NRN1: variants seen among roughly 807,000 people sequenced by gnomAD.
The protein encoded by NRN1 is neuritin 1.
In NRN1, 4 loss-of-function variants were observed where a neutral mutation model predicts 15.0. The observed-to-expected ratio is 0.27, with a 90% CI of 0.13 to 0.61. NRN1 has a LOEUF of 0.61. Ranked by LOEUF, NRN1 falls within the 20% of genes least tolerant of loss-of-function variation. The pLI, the probability that NRN1 is intolerant of heterozygous loss-of-function variation, is 0.87. For synonymous variants in NRN1, 85 were observed against 79.8 expected, an observed-to-expected ratio of 1.07 and a Z score of -0.35; for missense variants, 134 against 181.9, an observed-to-expected ratio of 0.74 and a Z score of 1.51.
At chr6:5,999,982 C>T (rs674375) in intron 2 of NRN1, among the ~76,000 whole-genome samples, 66,904 of 151,986 alleles carry the variant, frequency 0.44, 15,816 homozygotes, top group East Asian at 0.75. Flanking sequence ...TGGGGCCGGC[C>T]TCGTAGCCTT....
intron 2 of NRN1, among the ~76,000 whole-genome samples, 157 bp from the exon 3 acceptor site, chr6:5,999,361 G>A (rs750242928): frequency 3.9e-5 from 6 of 152,350 alleles, no homozygotes; most frequent in Admixed American, 1.3e-4. Context: ...CCTGGCCTGC[G>A]CGAGGTCGGG....
intron 2 of NRN1, 124 bp from the exon 3 acceptor site, chr6:5,999,328 A>G (rs1757866556): frequency 4.0e-6 from 3 of 758,280 alleles, no homozygotes; most frequent in East Asian, 2.7e-5. Flanking sequence ...TCCCCTCCCT[A>G]CCTTCTCTTC....
At position 5,999,173 on chromosome 6, in the gene NRN1, T is replaced by C; in HGVS notation, c.232A>G (p.Thr78Ala). ...YWEDFHSCTV[T>A]ALTDCQEGAK... is the part of the protein sequence containing the mutation. ...CCTTCCTGGCAATCCGTAAGGGCTG[T>C]GACCGTGCAGCTGTGGAAATCCTCC... Residue 78 changes from threonine to alanine, a missense_variant, in exon 3 of 3, where the codon ACA becomes GCA. Physicochemically the swap from Thr to Ala is moderately conservative, Grantham distance 58. Coordinates refer to ENST00000244766, the MANE Select transcript of NRN1 (RefSeq NM_016588.3). The C allele has an allele frequency of 6.2e-7, 1 of 1,614,060 alleles. No homozygotes were observed. The highest frequency in any genetic ancestry group is 8.5e-7 in the Non-Finnish European group (1 of 1,179,978).
rs1582988885 is a variant in NRN1 at position 5,998,355 on chromosome 6, C to G, written c.*621G>C. On this transcript the variant is annotated 3_prime_UTR_variant, in exon 3 of 3. Transcript: ENST00000244766. ...CTTCTGGAAGCCTTTACTCTTACCC[C>G]AGAGATTTCCTCAGCCCCTTCCCTC... 6.6e-6 allele frequency: 1 copy of G among 152,444 alleles called. No homozygotes were observed. The highest frequency in any genetic ancestry group is 2.1e-4 in the South Asian group (1 of 4,832). The allele number at this position is 152,444 out of a possible 1,614,324, so 9.4% of individuals were successfully genotyped here.
At chr6:6,003,795 CG>C in intron 1 of NRN1, 2 of 1,234,028 alleles carry the variant, frequency 1.6e-6, no homozygotes, top group Non-Finnish European at 2.0e-6. Flanking sequence ...CAAAGCAGCC[CG>C]GGCGCCGGGA....
In NRN1 at chr6:6,000,654, C is replaced by T. The variant is rs1347089552; in HGVS notation, c.201-1450G>A. Reference sequence around the variant, plus strand: ...ACAGCAACATTTGGACATTAGGAGGCCCAGGGAGGACAGCTTTCCTGCAGA... The same window carrying T: ...ACAGCAACATTTGGACATTAGGAGGTCCAGGGAGGACAGCTTTCCTGCAGA... On this transcript the variant is annotated intron_variant, in intron 2 of 2. Transcript: ENST00000244766. Among the ~76,000 whole-genome samples the T allele has an allele frequency of 4.6e-5, 7 of 151,526 alleles. No individual in the cohort carries two copies. The East Asian group carries it at 1.4e-3, about 29-fold the overall frequency.
At chr6:6,003,373 C>T (rs1247151297) in intron 1 of NRN1, 1 of 626,954 alleles carries the variant, frequency 1.6e-6, no homozygotes, top group Non-Finnish European at 2.3e-6. Context: ...CTCTTTCTCT[C>T]CTCCTCCCCT....
At chr6:6,000,085 T>C (rs1757899407) in intron 2 of NRN1, among the ~76,000 whole-genome samples, 1 of 152,212 alleles carries the variant, frequency 6.6e-6, no homozygotes, top group Non-Finnish European at 1.5e-5. Context: ...TTGGGCCCCA[T>C]GGGGCTTCCT....
intron 1 of NRN1, chr6:6,003,263 T>A: frequency 6.5e-6 from 8 of 1,234,438 alleles, no homozygotes; most frequent in Non-Finnish European, 8.1e-6. Context: ...CTGGCGCGGA[T>A]GATGAGTGGT....
chr6:6,000,754 C>CTTT (rs1561902807), intron 2 of NRN1, among the ~76,000 whole-genome samples: 4 of 83,742 alleles, frequency 4.8e-5, no homozygotes, highest in Admixed American at 1.2e-4. Flanking sequence ...TTTTTATGTA[C>CTTT]GCCCAGATGA....
chr6:6,005,874 G>A (rs1030211466), intron 1 of NRN1, among the ~76,000 whole-genome samples: 1 of 152,114 alleles, frequency 6.6e-6, no homozygotes, highest in African/African-American at 2.4e-5. Flanking sequence ...CCCTGACAGC[G>A]TAACTACAAC....
Position 5,998,504 on chromosome 6 carries a change from C to G in NRN1, c.*472G>C, listed in dbSNP as rs1444272574. ...AAGAACGACGTGAGCGTGAATTATTCACCGTATGTTTCGTCCGTGGACATC... is the reference window on the plus strand; with the variant it reads ...AAGAACGACGTGAGCGTGAATTATTGACCGTATGTTTCGTCCGTGGACATC... On this transcript the variant is annotated 3_prime_UTR_variant, in exon 3 of 3. Transcript: ENST00000244766. The G allele has an allele frequency of 6.5e-6, 1 of 153,624 alleles. No individual in the cohort carries two copies. Among genetic ancestry groups the G allele is most frequent in the Non-Finnish European group, 1.4e-5 (1 of 68,994 alleles). The allele number at this position is 153,624 out of a possible 1,614,324, so 9.5% of individuals were successfully genotyped here. A position where few individuals can be genotyped will look rare whatever the true frequency, so the allele number is the denominator to read the frequency against.
chr6:6,000,896 A>G (rs684689), intron 2 of NRN1, among the ~76,000 whole-genome samples: 62,003 of 151,230 alleles, frequency 0.41, 13,346 homozygotes, highest in East Asian at 0.74. Context: ...GTGGCCTGTG[A>G]CCTCAGGAAG....
chr6:6,000,434 G>A (rs1011761154), intron 2 of NRN1, among the ~76,000 whole-genome samples: 2 of 152,138 alleles, frequency 1.3e-5, no homozygotes, highest in Non-Finnish European at 2.9e-5. Flanking sequence ...CTGTAACTCC[G>A]GGCTGGTCCC....
chr6:6,005,867 T>C (rs1193755722), intron 1 of NRN1, among the ~76,000 whole-genome samples: 3 of 152,216 alleles, frequency 2.0e-5, no homozygotes, highest in African/African-American at 7.2e-5. Context: ...AAAAGACCCC[T>C]GACAGCGTAA....
At chr6:6,006,027 G>A (rs1758101079) in intron 1 of NRN1, among the ~76,000 whole-genome samples, 1 of 152,218 alleles carries the variant, frequency 6.6e-6, no homozygotes, top group Non-Finnish European at 1.5e-5. Context: ...ACACCAATGT[G>A]TAAAGTAGCA....
upstream of NRN1, chr6:6,006,939 A>AAG (rs1191480334): frequency 1.6e-3 from 324 of 205,848 alleles, 2 homozygotes; most frequent in African/African-American, 6.9e-3. Flanking sequence ...GAGAGAGAGA[A>AAG]AGAGAGAGAG....
intron 1 of NRN1, chr6:6,003,068 G>A (rs1319623265): frequency 6.0e-6 from 4 of 662,998 alleles, no homozygotes; most frequent in Non-Finnish European, 8.6e-6. Context: ...GTCCTTGGTG[G>A]GCGCTCAGCA....
intron 2 of NRN1, among the ~76,000 whole-genome samples, chr6:6,000,387 G>A (rs1026828395): frequency 6.6e-6 from 1 of 152,146 alleles, no homozygotes; most frequent in Non-Finnish European, 1.5e-5. Flanking sequence ...TTCCTGGGGC[G>A]CTGTCTCCTT....
Sources: allele counts gnomAD v4.1 joint callset (sites outside exome capture counted in the v4.1 genomes callset), GRCh38; gene constraint gnomAD v4.1.1; transcripts MANE v1.5; gene names NCBI Gene and HGNC (gene_info 2026-07-23, HGNC 2026-07-21).